JAZF1: variants seen among roughly 807,000 people sequenced by gnomAD.
The protein encoded by JAZF1 is juxtaposed with another zinc finger protein 1.
Under a neutral mutation model 26.4 loss-of-function variants are expected in JAZF1, and 8 were observed. That is an observed-to-expected ratio of 0.30 (90% CI 0.18 to 0.55). JAZF1 has a LOEUF of 0.55. Among genes scored for constraint, JAZF1 ranks in the 20% least tolerant of loss-of-function variants. The pLI, the probability that JAZF1 is intolerant of heterozygous loss-of-function variation, is 0.94. For synonymous variants in JAZF1, 126 were observed against 122.3 expected (o/e 1.03, Z -0.20); for missense variants, 199 against 322.0 (o/e 0.62, Z 2.92).
At chr7:28,086,671 C>G (rs1784216867) in intron 1 of JAZF1, among the ~76,000 whole-genome samples, 1 of 152,160 alleles carries the variant, frequency 6.6e-6, no homozygotes, top group African/African-American at 2.4e-5. Flanking sequence ...CATGTTTTTG[C>G]TGTAATTAGT....
At chr7:27,930,848 G>A (rs1211078264) in intron 2 of JAZF1, among the ~76,000 whole-genome samples, 2 of 150,774 alleles carry the variant, frequency 1.3e-5, no homozygotes, top group Non-Finnish European at 1.5e-5. Context: ...AAAAAAGGAA[G>A]AGATAAGTTG....
chr7:28,110,591 GA>G lies in JAZF1; in HGVS notation c.115+69871del, dbSNP rs1298120968. Among the ~76,000 whole-genome samples, 18 of 115,176 alleles carry G rather than the reference GA, an allele frequency of 1.6e-4. 3 individuals are homozygous for G. Among genetic ancestry groups the G allele is most frequent in the African/African-American group, 1.3e-4 (4 of 30,224 alleles). The allele number at this position is 115,176 out of a possible 152,430, so 75.6% of individuals were successfully genotyped here. ...GAAAAGGGAAAGGGAAAAGGAAAAG[GA>G]AAAGGAAAAGGAAAAGGAAAGGAAA... On this transcript the variant is annotated intron_variant, in intron 1 of 4. Coordinates refer to ENST00000283928, the MANE Select transcript of JAZF1 (RefSeq NM_175061.4).
intron 1 of JAZF1, among the ~76,000 whole-genome samples, chr7:28,165,489 T>A (rs188756270): frequency 6.6e-6 from 1 of 152,256 alleles, no homozygotes; most frequent in Admixed American, 6.5e-5. Flanking sequence ...ACATTCCACA[T>A]CATCCTTTGG....
intron 2 of JAZF1, among the ~76,000 whole-genome samples, chr7:27,959,721 G>A (rs1371196412): frequency 6.6e-6 from 1 of 151,348 alleles, no homozygotes; most frequent in Non-Finnish European, 1.5e-5. Context: ...CCAACATGGC[G>A]AAACACCATC....
chr7:28,176,396 C>T (rs1013651313), intron 1 of JAZF1, among the ~76,000 whole-genome samples: 1 of 152,210 alleles, frequency 6.6e-6, no homozygotes, highest in South Asian at 2.1e-4. Context: ...AGAATGTCCT[C>T]ATGACTAACT....
At chr7:27,867,477 C>T (rs764438883) in intron 3 of JAZF1, among the ~76,000 whole-genome samples, 16 of 152,174 alleles carry the variant, frequency 1.1e-4, no homozygotes, top group Non-Finnish European at 2.1e-4. Flanking sequence ...GCATGAAAAA[C>T]GAGTTTTATG....
intron 2 of JAZF1, among the ~76,000 whole-genome samples, chr7:27,949,649 G>C (rs533721684): frequency 6.6e-6 from 1 of 152,280 alleles, no homozygotes; most frequent in Non-Finnish European, 1.5e-5. Flanking sequence ...TGTAATCCCA[G>C]CTACTCGGGA....
At position 28,062,751 on chromosome 7, in the gene JAZF1, T is replaced by C. The variant is rs572861053; in HGVS notation, c.116-70770A>G. On this transcript the variant is annotated intron_variant, in intron 1 of 4. Transcript: ENST00000283928. ...TTTTTCTTCAGCCTTAGGGCACTTA[T>C]TGAGTTTTCTTTACATCTTTATAGT... Among the ~76,000 whole-genome samples, 30 of 152,348 alleles carry C rather than the reference T, an allele frequency of 2.0e-4. 1 individual carries two copies. In the South Asian group the frequency reaches 6.0e-3, roughly 30 times the overall value.
intron 4 of JAZF1, among the ~76,000 whole-genome samples, chr7:27,833,979 G>A (rs1023316509): frequency 1.3e-5 from 2 of 152,188 alleles, no homozygotes; most frequent in African/African-American, 2.4e-5. Flanking sequence ...AGATTAGAGA[G>A]TAAGGGAACA....
chr7:27,931,529 T>C (rs1420663637), intron 2 of JAZF1, among the ~76,000 whole-genome samples: 1 of 152,170 alleles, frequency 6.6e-6, no homozygotes, highest in Non-Finnish European at 1.5e-5. Context: ...AAATCAGGTT[T>C]GGAGGCTGGG....
At chr7:28,025,204 G>C (rs1286502160) in intron 1 of JAZF1, among the ~76,000 whole-genome samples, 1 of 152,162 alleles carries the variant, frequency 6.6e-6, no homozygotes. Flanking sequence ...TCACCTCCCT[G>C]CTGGAGAAAT....
At position 27,862,352 on chromosome 7, in the gene JAZF1, C is replaced by T. The variant is rs1210499259; in HGVS notation, c.386-21485G>A. 3.3e-5 allele frequency among the ~76,000 whole-genome samples: 5 copies of T among 152,096 alleles called. No individual in the cohort carries two copies. The East Asian group carries it at 9.6e-4, about 29-fold the overall frequency. Reference sequence around the variant, plus strand: ...TAGTTAGCTTTTCAACCCTTGTCCCCTCCCGCCTCCCCCGCCCCAGAGGTC... The same window carrying T: ...TAGTTAGCTTTTCAACCCTTGTCCCTTCCCGCCTCCCCCGCCCCAGAGGTC... On this transcript the variant is annotated intron_variant, in intron 3 of 4. Coordinates refer to ENST00000283928, the MANE Select transcript of JAZF1 (RefSeq NM_175061.4).
rs151326484 is a variant in JAZF1 at position 28,136,670 on chromosome 7, G to C, written c.115+43793C>G. 2.0e-5 allele frequency among the ~76,000 whole-genome samples: 3 copies of C among 152,350 alleles called. No individual in the cohort carries two copies. In the East Asian group the frequency reaches 5.8e-4, roughly 29 times the overall value. On this transcript the variant is annotated intron_variant, in intron 1 of 4. Coordinates refer to ENST00000283928, the MANE Select transcript of JAZF1 (RefSeq NM_175061.4). ...ACCACAATTTCAGAGATGAATAACA[G>C]AGTCTTTGTCCTTACGGAGTTTGTG... is the stretch of plus-strand genomic sequence containing the variant.
chr7:27,892,878 TTATACATGTGC>T (rs1374076926), intron 3 of JAZF1, among the ~76,000 whole-genome samples: 3 of 152,220 alleles, frequency 2.0e-5, no homozygotes, highest in African/African-American at 7.2e-5. Context: ...GAGCACTGTG[TTATACATGTGC>T]TATCACATTT....
intron 2 of JAZF1, among the ~76,000 whole-genome samples, chr7:27,947,173 AGAT>A (rs1784934916): frequency 6.6e-6 from 1 of 152,202 alleles, no homozygotes. Flanking sequence ...TCTAAAAAGC[AGAT>A]GATATTATAC....
intron 1 of JAZF1, among the ~76,000 whole-genome samples, chr7:28,179,438 C>T (rs1013576313): frequency 4.6e-5 from 7 of 152,044 alleles, no homozygotes; most frequent in Admixed American, 3.3e-4. Flanking sequence ...CGGCGTCTCC[C>T]GGGCCCGGGG....
chr7:27,966,660 C>T (rs561632622), intron 2 of JAZF1, among the ~76,000 whole-genome samples: 4 of 152,144 alleles, frequency 2.6e-5, no homozygotes, highest in Admixed American at 6.5e-5. Flanking sequence ...TTGCAGCAAT[C>T]GTTACTGGTG....
At chr7:28,145,284 C>G (rs1583584001) in intron 1 of JAZF1, among the ~76,000 whole-genome samples, 2 of 152,220 alleles carry the variant, frequency 1.3e-5, no homozygotes, top group Admixed American at 1.3e-4. Context: ...CACATGTATA[C>G]TCTTTGCTTT....
rs140280720 is a variant in JAZF1 at position 27,924,093 on chromosome 7, T to C, written c.189-28677A>G. Among the ~76,000 whole-genome samples, 6 of 152,316 alleles carry C rather than the reference T, an allele frequency of 3.9e-5. No individual in the cohort carries two copies. In the East Asian group the frequency reaches 1.2e-3, roughly 29 times the overall value. ...CTCCTCTGGCAGCTGTATCACAATC[T>C]TTTGAGACCGAGTCTTGCTCTGTCG... On this transcript the variant is annotated intron_variant, in intron 2 of 4. Transcript: ENST00000283928.
Sources: allele counts gnomAD v4.1 joint callset (sites outside exome capture counted in the v4.1 genomes callset), GRCh38; gene constraint gnomAD v4.1.1; transcripts MANE v1.5; gene names NCBI Gene and HGNC (gene_info 2026-07-23, HGNC 2026-07-21).